CA10: variants seen among roughly 807,000 people sequenced by gnomAD.
CA10 encodes the protein carbonic anhydrase-related protein 10.
Under a neutral mutation model 44.2 loss-of-function variants are expected in CA10, and 14 were observed. That is an observed-to-expected ratio of 0.32 (90% CI 0.21 to 0.50). The LOEUF is 0.50. CA10 is among the 20% of genes least tolerant of loss of function. The pLI is 0.99. For missense variants in CA10, 350 were observed against 409.7 expected, an observed-to-expected ratio of 0.85 and a Z score of 1.26; for synonymous variants, 159 against 141.6, an observed-to-expected ratio of 1.12 and a Z score of -0.87.
At chr17:51,795,517 A>G (rs1043834721) in intron 3 of CA10, among the ~76,000 whole-genome samples, 3 of 152,234 alleles carry the variant, frequency 2.0e-5, no homozygotes, top group African/African-American at 7.2e-5. Context: ...AGGAAAAAGT[A>G]TTTGCCACAT....
intron 5 of CA10, among the ~76,000 whole-genome samples, chr17:51,653,089 A>G (rs2106329): frequency 0.83 from 126,622 of 152,054 alleles, 53,101 homozygotes; most frequent in Middle Eastern, 0.86. Flanking sequence ...AGTTTCCTCA[A>G]AATGTCATAA....
At chr17:52,153,447 C>G (rs369121181) in intron 1 of CA10, among the ~76,000 whole-genome samples, 54 of 152,136 alleles carry the variant, frequency 3.5e-4, no homozygotes, top group African/African-American at 1.2e-3. Context: ...AAGAAAAATT[C>G]GCTGATCCCC....
intron 4 of CA10, among the ~76,000 whole-genome samples, chr17:51,662,429 CAA>C (rs1278997795): frequency 6.6e-6 from 1 of 152,058 alleles, no homozygotes; most frequent in Non-Finnish European, 1.5e-5. Flanking sequence ...GTCACACAGA[CAA>C]AAAGTGACAG....
chr17:52,086,122 G>A (rs2143192363), intron 1 of CA10, among the ~76,000 whole-genome samples: 1 of 152,222 alleles, frequency 6.6e-6, no homozygotes, highest in Non-Finnish European at 1.5e-5. Context: ...ATTTTGGAGT[G>A]GTTTACAGTG....
At chr17:52,132,719 G>T (rs1989268727) in intron 1 of CA10, among the ~76,000 whole-genome samples, 1 of 152,118 alleles carries the variant, frequency 6.6e-6, no homozygotes, top group African/African-American at 2.4e-5. Context: ...AATTTAGGGA[G>T]GATTTGGGGC....
intron 2 of CA10, among the ~76,000 whole-genome samples, chr17:52,037,284 T>G (rs1161416605): frequency 6.6e-6 from 1 of 151,962 alleles, no homozygotes. Context: ...AAAGTCAGCA[T>G]TGAGAAGTAG....
At chr17:51,788,297 A>G (rs1906373599) in intron 3 of CA10, among the ~76,000 whole-genome samples, 1 of 152,174 alleles carries the variant, frequency 6.6e-6, no homozygotes, top group Non-Finnish European at 1.5e-5. Flanking sequence ...TTATTCTATT[A>G]TGACCAGAGA....
chr17:51,710,755 A>G (rs930755566), intron 4 of CA10, among the ~76,000 whole-genome samples: 1 of 151,906 alleles, frequency 6.6e-6, no homozygotes, highest in Non-Finnish European at 1.5e-5. Context: ...TCCCCACCAG[A>G]GGTTGCAAGT....
intron 2 of CA10, among the ~76,000 whole-genome samples, chr17:52,031,616 G>A (rs1466552080): frequency 6.6e-6 from 1 of 152,082 alleles, no homozygotes; most frequent in Non-Finnish European, 1.5e-5. Flanking sequence ...TTCATATAAA[G>A]CTCTATCATT....
chr17:51,687,355 CTTGT>C (rs1915042365), intron 4 of CA10, among the ~76,000 whole-genome samples: 1 of 152,140 alleles, frequency 6.6e-6, no homozygotes, highest in Admixed American at 6.5e-5. Flanking sequence ...GTAGTATTTT[CTTGT>C]TTGTTACCTA....
chr17:51,696,849 C>CA (rs1915419631), intron 4 of CA10, among the ~76,000 whole-genome samples: 1 of 151,790 alleles, frequency 6.6e-6, no homozygotes, highest in Non-Finnish European at 1.5e-5. Context: ...GCATAGGCAG[C>CA]AAAAAACAAA....
intron 3 of CA10, among the ~76,000 whole-genome samples, chr17:51,849,238 T>C (rs1172987145): frequency 2.7e-5 from 3 of 110,162 alleles, no homozygotes; most frequent in African/African-American, 1.2e-4. Flanking sequence ...TGTGTGTATA[T>C]ATATATATAT....
In CA10 at chr17:51,839,202, C is replaced by T. The variant is rs1033059058; in HGVS notation, c.280-91384G>A. Reference sequence around the variant, plus strand: ...GTGCAGAATGTTGTGATTAAGAAGGCACTACCTTGGCCGGGCACGGTGGCT... The same window carrying T: ...GTGCAGAATGTTGTGATTAAGAAGGTACTACCTTGGCCGGGCACGGTGGCT... On this transcript the variant is annotated intron_variant, in intron 3 of 8. Transcript: ENST00000451037. Among the ~76,000 whole-genome samples, 7 of 152,228 alleles carry T rather than the reference C, an allele frequency of 4.6e-5. No homozygotes were observed. The East Asian group carries it at 1.4e-3, about 29-fold the overall frequency.
intron 3 of CA10, among the ~76,000 whole-genome samples, chr17:51,850,650 C>A (rs1317456058): frequency 2.0e-5 from 3 of 152,180 alleles, no homozygotes; most frequent in African/African-American, 7.2e-5. Context: ...TGGAAGGGCA[C>A]ATAGGCAGCA....
At chr17:51,847,013 A>G (rs1978523992) in intron 3 of CA10, among the ~76,000 whole-genome samples, 1 of 152,208 alleles carries the variant, frequency 6.6e-6, no homozygotes, top group Non-Finnish European at 1.5e-5. Flanking sequence ...ATGTGGAATA[A>G]TATGGACAGT....
At chr17:51,733,410 C>T (rs1257824345) in intron 4 of CA10, among the ~76,000 whole-genome samples, 1 of 152,068 alleles carries the variant, frequency 6.6e-6, no homozygotes, top group African/African-American at 2.4e-5. Flanking sequence ...ACTCAGAAGA[C>T]AGGGAACAGC....
chr17:52,045,020 TAAC>T (rs1032605194), intron 2 of CA10, among the ~76,000 whole-genome samples: 10 of 151,700 alleles, frequency 6.6e-5, no homozygotes, highest in Non-Finnish European at 1.5e-4. Context: ...AGATGCATCA[TAAC>T]AAAATAAATG....
chr17:52,140,489 A>G (rs944401640), intron 1 of CA10, among the ~76,000 whole-genome samples: 6 of 152,220 alleles, frequency 3.9e-5, no homozygotes, highest in Non-Finnish European at 2.9e-5. Flanking sequence ...GTTTTCATAT[A>G]ATTTTCATGT....
chr17:51,811,778 T>C (rs1476973723), intron 3 of CA10, among the ~76,000 whole-genome samples: 1 of 152,218 alleles, frequency 6.6e-6, no homozygotes, highest in Non-Finnish European at 1.5e-5. Flanking sequence ...TAGCATGATT[T>C]ACTATGATTT....
Sources: allele counts gnomAD v4.1 joint callset (sites outside exome capture counted in the v4.1 genomes callset), GRCh38; gene constraint gnomAD v4.1.1; transcripts MANE v1.5; gene names NCBI Gene and HGNC (gene_info 2026-07-23, HGNC 2026-07-21).